The following KCNH7 variants were observed in gnomAD, a reference collection of about 807,000 sequenced individuals.
KCNH7 encodes voltage-gated inwardly rectifying potassium channel KCNH7.
A neutral mutation model predicts 120.8 loss-of-function variants in KCNH7; 49 were observed. The observed-to-expected ratio is 0.41, with a 90% CI of 0.32 to 0.51. The LOEUF (loss-of-function observed/expected upper bound fraction) is 0.51, where lower values mean the gene tolerates loss of function less well. KCNH7 is among the 20% of genes least tolerant of loss of function. The probability of loss-of-function intolerance (pLI) is 0.38; values close to 1 mark genes in which losing one functional copy is unlikely to be tolerated. For synonymous variants in KCNH7, 547 were observed against 516.1 expected (o/e 1.06, Z -0.81); for missense variants, 1,097 against 1,446.6 (o/e 0.76, Z 3.92).
At chr2:162,771,552 C>T (rs545374137) in intron 2 of KCNH7, among the ~76,000 whole-genome samples, 7 of 151,994 alleles carry the variant, frequency 4.6e-5, no homozygotes, top group Non-Finnish European at 8.8e-5. Context: ...TTTATTGCCT[C>T]TACTAGATTT....
chr2:162,542,094 A>G (rs1316658506), intron 2 of KCNH7, among the ~76,000 whole-genome samples: 1 of 151,914 alleles, frequency 6.6e-6, no homozygotes, highest in Non-Finnish European at 1.5e-5. Flanking sequence ...AATTTAAAAG[A>G]TATAGGGTCT....
chr2:162,386,190 T>G (rs1686565465), intron 12 of KCNH7, among the ~76,000 whole-genome samples: 1 of 151,868 alleles, frequency 6.6e-6, no homozygotes, highest in Non-Finnish European at 1.5e-5. Flanking sequence ...TACTTGTATA[T>G]CCCTACTCAA....
chr2:162,400,500 TAC>T, intron 9 of KCNH7, 59 bp from the exon 10 acceptor site: 6 of 1,559,680 alleles, frequency 3.8e-6, no homozygotes, highest in Non-Finnish European at 4.4e-6. Context: ...CTGCCTGAAA[TAC>T]AGTCAATTTC....
chr2:162,748,395 T>C (rs191000660), intron 2 of KCNH7, among the ~76,000 whole-genome samples: 16 of 152,346 alleles, frequency 1.1e-4, no homozygotes, highest in African/African-American at 3.8e-4. Context: ...TAAGTTTTTA[T>C]GCCCTTATCT....
At chr2:162,649,887 G>T (rs145042367) in intron 2 of KCNH7, among the ~76,000 whole-genome samples, 1 of 152,142 alleles carries the variant, frequency 6.6e-6, no homozygotes, top group African/African-American at 2.4e-5. Context: ...AATGACACCA[G>T]GTTATTTGAT....
intron 2 of KCNH7, among the ~76,000 whole-genome samples, chr2:162,655,724 C>T (rs530398205): frequency 6.6e-6 from 1 of 152,052 alleles, no homozygotes; most frequent in Non-Finnish European, 1.5e-5. Context: ...ACCTGGGAGG[C>T]GGAGGTTGCA....
At chr2:162,672,075 G>A (rs879837394) in intron 2 of KCNH7, among the ~76,000 whole-genome samples, 6 of 151,776 alleles carry the variant, frequency 4.0e-5, no homozygotes, top group Non-Finnish European at 8.8e-5. Context: ...AGAACCACAG[G>A]AAAAAAATTG....
intron 2 of KCNH7, among the ~76,000 whole-genome samples, chr2:162,616,506 G>C (rs925719365): frequency 2.0e-5 from 3 of 152,134 alleles, no homozygotes; most frequent in Admixed American, 2.0e-4. Flanking sequence ...AACTTTCTGG[G>C]TCTTTGTTCC....
chr2:162,511,218 T>A (rs531096990), intron 5 of KCNH7, among the ~76,000 whole-genome samples: 1 of 151,738 alleles, frequency 6.6e-6, no homozygotes, highest in African/African-American at 2.4e-5. Context: ...TTGACATATA[T>A]GTGAACTAGT....
intron 2 of KCNH7, among the ~76,000 whole-genome samples, chr2:162,722,813 CTTTTTT>C (rs894023630): frequency 1.9e-4 from 16 of 85,110 alleles, no homozygotes; most frequent in Admixed American, 7.3e-4. Flanking sequence ...TTCTTTTTTT[CTTTTTT>C]TTTTTTTTTT....
At chr2:162,493,307 G>T (rs534403060) in intron 6 of KCNH7, among the ~76,000 whole-genome samples, 26 of 152,158 alleles carry the variant, frequency 1.7e-4, no homozygotes, top group African/African-American at 6.0e-4. Context: ...TAGAAATAGA[G>T]CTCTAATTAA....
intron 2 of KCNH7, among the ~76,000 whole-genome samples, chr2:162,816,033 C>T (rs1684906553): frequency 6.6e-6 from 1 of 152,010 alleles, no homozygotes; most frequent in African/African-American, 2.4e-5. Flanking sequence ...CCAAGGCGGG[C>T]AGATCACCTG....
At chr2:162,535,082 T>C (rs1005064329) in intron 3 of KCNH7, among the ~76,000 whole-genome samples, 10 of 151,908 alleles carry the variant, frequency 6.6e-5, no homozygotes, top group Admixed American at 5.9e-4. Context: ...ATGGAAACTT[T>C]CTTAGAATAA....
At chr2:162,453,637 C>G (rs1479617711) in intron 6 of KCNH7, among the ~76,000 whole-genome samples, 2 of 151,980 alleles carry the variant, frequency 1.3e-5, no homozygotes, top group Admixed American at 1.3e-4. Flanking sequence ...GTTTCTTGAT[C>G]TTTTAATAAT....
chr2:162,754,550 A>C (rs1688720802), intron 2 of KCNH7, among the ~76,000 whole-genome samples: 1 of 152,180 alleles, frequency 6.6e-6, no homozygotes, highest in Non-Finnish European at 1.5e-5. Context: ...GGTAGCAGGT[A>C]AAAAACCAGG....
chr2:162,400,551 G>A (rs1222730981), intron 9 of KCNH7, 110 bp from the exon 10 acceptor site: 1 of 1,045,148 alleles, frequency 9.6e-7, no homozygotes, highest in East Asian at 2.4e-5. Flanking sequence ...TGCCACGCAG[G>A]AGTTCCTACT....
chr2:162,504,626 C>T lies in KCNH7; in HGVS notation c.945G>A (p.Leu315=). 1 of 1,612,130 alleles carries T rather than the reference C, an allele frequency of 6.2e-7. No individual in the cohort carries two copies. Among genetic ancestry groups the T allele is most frequent in the Non-Finnish European group, 8.5e-7 (1 of 1,178,784 alleles). Residue 315 remains leucine (L), a synonymous_variant, in exon 6 of 16, where the codon CTG becomes CTA. Transcript: ENST00000332142. ...TGAGGTTTGAATCTGATGTGGATCC[C>T]AGGAGGCTTGACTTGATATGATTAA... The part of the protein sequence containing the change: ...GPFNHIKSSL[L]GSTSDSNLNK...
chr2:162,597,819 C>T (rs903327042), intron 2 of KCNH7, among the ~76,000 whole-genome samples: 1 of 151,980 alleles, frequency 6.6e-6, no homozygotes, highest in Non-Finnish European at 1.5e-5. Flanking sequence ...TAAGTATATG[C>T]AATTATTGTC....
chr2:162,436,160 G>A (rs1249378236), intron 7 of KCNH7, among the ~76,000 whole-genome samples: 1 of 152,078 alleles, frequency 6.6e-6, no homozygotes, highest in African/African-American at 2.4e-5. Context: ...TTGGAGGCAT[G>A]GATTGGGGTA....
Sources: gnomAD v4.1 joint callset for allele counts (sites outside exome capture counted in the v4.1 genomes callset) on GRCh38, gnomAD v4.1.1 for gene constraint, MANE v1.5 for transcripts, NCBI Gene and HGNC (gene_info 2026-07-23, HGNC 2026-07-21) for gene names.